The following DPY19L3 variants were observed in gnomAD, a reference collection of about 807,000 sequenced individuals.
DPY19L3 encodes protein C-mannosyl-transferase DPY19L3.
In DPY19L3, 51 loss-of-function variants were observed where a neutral mutation model predicts 92.3. That is an observed-to-expected ratio of 0.55 (90% CI 0.44 to 0.70). The LOEUF is 0.70. Ranked by LOEUF, DPY19L3 falls within the 30% of genes least tolerant of loss-of-function variation. The probability of loss-of-function intolerance (pLI) is 0.00; values close to 1 mark genes in which losing one functional copy is unlikely to be tolerated. For synonymous variants in DPY19L3, 309 were observed against 315.2 expected (o/e 0.98, Z 0.21); for missense variants, 706 against 855.9 (o/e 0.82, Z 2.18).
intron 6 of DPY19L3, chr19:32,438,833 T>C (rs1271512797): frequency 1.8e-5 from 5 of 285,078 alleles, no homozygotes; most frequent in Non-Finnish European, 2.6e-5. Flanking sequence ...TTTGGCATGA[T>C]ACATTTGTGA....
intron 12 of DPY19L3, among the ~76,000 whole-genome samples, chr19:32,461,843 A>G (rs1011818393): frequency 6.6e-6 from 1 of 152,156 alleles, no homozygotes; most frequent in Non-Finnish European, 1.5e-5. Context: ...TGCAACATCT[A>G]AAGTCACTGA....
chr19:32,468,931 G>A (rs1303810546), intron 16 of DPY19L3, 118 bp downstream of exon 16: 23 of 949,120 alleles, frequency 2.4e-5, no homozygotes, highest in East Asian at 8.6e-5. Flanking sequence ...AGAAACATTC[G>A]TCCTTACTAG....
At position 32,464,729 on chromosome 19, in the gene DPY19L3, T is replaced by C; in HGVS notation, c.1559T>C (p.Ile520Thr). 6.8e-7 allele frequency: 1 copy of C among 1,464,738 alleles called. No homozygotes were observed. Among genetic ancestry groups the C allele is most frequent in the Non-Finnish European group, 9.3e-7 (1 of 1,072,104 alleles). 90.7% of individuals were successfully genotyped at this position (1,464,738 alleles called of 1,614,324 possible). ...KSVHLYNPKRICIMRYSVPIL... is the reference protein window; with the variant it reads ...KSVHLYNPKRTCIMRYSVPIL... The stretch of plus-strand genomic sequence containing the variant: ...CTAAATAATGTCTTTCTTATATAGA[T>C]ATGTATAATGCGATATTCAGTACCG... Residue 520 changes from isoleucine to threonine, a missense_variant and splice_region_variant, in exon 15 of 19, where the codon ATA becomes ACA. Transcript: ENST00000392250.
chr19:32,442,043 C>G (rs983698473), intron 8 of DPY19L3, among the ~76,000 whole-genome samples: 3 of 152,170 alleles, frequency 2.0e-5, no homozygotes, highest in African/African-American at 4.8e-5. Context: ...AAATAACTGG[C>G]TCTTTCAGCT....
chr19:32,445,454 A>AAAAAAAAAAAAAAAC, intron 8 of DPY19L3, among the ~76,000 whole-genome samples: 1 of 149,272 alleles, frequency 6.7e-6, no homozygotes, highest in Non-Finnish European at 1.5e-5. Context: ...AAAAAAAAAA[A>AAAAAAAAAAAAAAAC]AAAAAAACCA....
chr19:32,438,141 A>T (rs1485265454), intron 6 of DPY19L3, among the ~76,000 whole-genome samples: 1 of 152,200 alleles, frequency 6.6e-6, no homozygotes, highest in Non-Finnish European at 1.5e-5. Flanking sequence ...TGTATTCAAG[A>T]TCATTAAATT....
chr19:32,451,219 AAT>A (rs1304430836), intron 8 of DPY19L3, among the ~76,000 whole-genome samples: 5 of 152,272 alleles, frequency 3.3e-5, no homozygotes, highest in African/African-American at 1.2e-4. Context: ...GTTTTCACAG[AAT>A]AGTCACTGAT....
intron 8 of DPY19L3, among the ~76,000 whole-genome samples, chr19:32,447,775 A>AGATAGATTGATTGATT (rs1237623603): frequency 5.5e-5 from 7 of 126,942 alleles, no homozygotes; most frequent in African/African-American, 2.2e-4. Context: ...ATAGATAGAT[A>AGATAGATTGATTGATT]GATTAGATAA....
chr19:32,436,690 A>G (rs1170101010), intron 5 of DPY19L3, 123 bp downstream of exon 5: 3 of 910,420 alleles, frequency 3.3e-6, no homozygotes, highest in Non-Finnish European at 4.7e-6. Context: ...CAGCAATACT[A>G]TATTTTTTTT....
Position 32,452,072 on chromosome 19 carries a change from T to C in DPY19L3, c.856-1073T>C, listed in dbSNP as rs562305561. 1.4e-4 allele frequency among the ~76,000 whole-genome samples: 22 copies of C among 152,340 alleles called. No homozygotes were observed. In the East Asian group the frequency reaches 3.9e-3, roughly 27 times the overall value. Reference sequence around the variant, plus strand: ...TTGAACTGGGCTCAAGCAATCCTTCTGTCTCAGCTTCCCAAGATGTTGGGA... The same window carrying C: ...TTGAACTGGGCTCAAGCAATCCTTCCGTCTCAGCTTCCCAAGATGTTGGGA... On this transcript the variant is annotated intron_variant, in intron 8 of 18. Coordinates refer to ENST00000392250, the MANE Select transcript of DPY19L3 (RefSeq NM_001172774.2).
intron 2 of DPY19L3, among the ~76,000 whole-genome samples, chr19:32,410,046 T>A (rs978927006): frequency 6.6e-6 from 1 of 152,224 alleles, no homozygotes; most frequent in Admixed American, 6.5e-5. Flanking sequence ...CAATTTATTC[T>A]TCTAGCAGCA....
At chr19:32,479,361 G>A (rs551812797) in intron 17 of DPY19L3, among the ~76,000 whole-genome samples, 86 of 152,138 alleles carry the variant, frequency 5.7e-4, no homozygotes, top group Middle Eastern at 3.4e-3. Flanking sequence ...AAGACAGGTC[G>A]AGTGCACAGA....
At chr19:32,476,117 C>T (rs1970501170) in intron 16 of DPY19L3, among the ~76,000 whole-genome samples, 1 of 152,118 alleles carries the variant, frequency 6.6e-6, no homozygotes, top group African/African-American at 2.4e-5. Flanking sequence ...TTGTAGACAT[C>T]CAAGGCCTCT....
intron 2 of DPY19L3, among the ~76,000 whole-genome samples, chr19:32,409,519 A>G (rs1968103746): frequency 1.3e-5 from 2 of 152,192 alleles, no homozygotes; most frequent in Non-Finnish European, 2.9e-5. Flanking sequence ...TCCTTGGGGC[A>G]TGTCTTAGTC....
At chr19:32,437,596 A>T (rs1216088622) in intron 6 of DPY19L3, among the ~76,000 whole-genome samples, 2 of 152,138 alleles carry the variant, frequency 1.3e-5, no homozygotes, top group Non-Finnish European at 2.9e-5. Context: ...CAAACCTATT[A>T]TCTGTTTGCT....
rs1218381076 is a variant in DPY19L3, at chr19:32,439,827, T to C, written c.772T>C (p.Trp258Arg). 6.2e-7 allele frequency: 1 copy of C among 1,613,978 alleles called. No individual in the cohort carries two copies. Among genetic ancestry groups the C allele is most frequent in the Non-Finnish European group, 8.5e-7 (1 of 1,179,860 alleles). The change falls in exon 8 of 19, where the codon TGG becomes CGG. Residue 258 changes from tryptophan (W) to arginine (R), a missense_variant. Transcript: ENST00000392250. ...ATCAACTTTTCTCTTTAGTCTGACA[T>C]GGCAATTTAATCAATTTATGATGCT... The part of the protein sequence containing the change: ...FISTFLFSLT[W>R]QFNQFMMLMQ...
At chr19:32,408,034 G>A (rs962984639) in intron 1 of DPY19L3, among the ~76,000 whole-genome samples, 183 bp from the exon 2 acceptor site, 1 of 152,020 alleles carries the variant, frequency 6.6e-6, no homozygotes, top group Non-Finnish European at 1.5e-5. Flanking sequence ...ACAGTGAGCC[G>A]TGATGGTGCC....
intron 15 of DPY19L3, 66 bp from the exon 16 acceptor site, chr19:32,468,665 A>C (rs1374140116): frequency 6.3e-7 from 1 of 1,582,918 alleles, no homozygotes; most frequent in East Asian, 2.3e-5. Flanking sequence ...TTTTCATTTA[A>C]TCTTAGTGAT....
In DPY19L3 at chr19:32,439,890, G is replaced by T; in HGVS notation, c.835G>T (p.Asp279Tyr). 6.2e-7 allele frequency: 1 copy of T among 1,613,290 alleles called. No homozygotes were observed. The highest frequency in any genetic ancestry group is 1.1e-5 in the South Asian group (1 of 90,868). The stretch of plus-strand genomic sequence containing the variant: ...AGTGCTGTTCACACTGGACTCCCTG[G>T]ACATGCTGCCAGCAGTGAAGGTGAG... ...ALVLFTLDSL[D>Y]MLPAVKATWL... Residue 279 changes from aspartate to tyrosine, a missense_variant, in exon 8 of 19, where the codon GAC (aspartate) becomes TAC (tyrosine). Physicochemically the swap from Asp to Tyr is radical, Grantham distance 160. Coordinates refer to ENST00000392250, the MANE Select transcript of DPY19L3 (RefSeq NM_001172774.2).
Sources: gnomAD v4.1 joint callset for allele counts (sites outside exome capture counted in the v4.1 genomes callset) on GRCh38, gnomAD v4.1.1 for gene constraint, MANE v1.5 for transcripts, NCBI Gene and HGNC (gene_info 2026-07-23, HGNC 2026-07-21) for gene names.